MFSD11: variants seen among roughly 807,000 people sequenced by gnomAD.
The protein encoded by MFSD11 is major facilitator superfamily domain containing 11.
MFSD11 carries 36 observed loss-of-function variants against 53.5 expected under a neutral mutation model. The observed-to-expected ratio is 0.67, with a 90% CI of 0.52 to 0.89. MFSD11 has a LOEUF of 0.89. Ranked by LOEUF, MFSD11 falls within the 40% of genes least tolerant of loss-of-function variation. The pLI, the probability that MFSD11 is intolerant of heterozygous loss-of-function variation, is 0.00. For synonymous variants in MFSD11, 186 were observed against 184.9 expected (o/e 1.01, Z -0.05); for missense variants, 530 against 543.9 (o/e 0.97, Z 0.25).
At chr17:76,794,419 G>A in the MFSD11 span, among the ~76,000 whole-genome samples, 4 of 150,264 alleles carry the variant, frequency 2.7e-5, no homozygotes, top group Non-Finnish European at 4.4e-5. Flanking sequence ...GGAGGTTGCA[G>A]TGAGCCTAGA....
chr17:76,753,780 C>T (rs986132723), intron 7 of MFSD11, among the ~76,000 whole-genome samples: 5 of 151,624 alleles, frequency 3.3e-5, no homozygotes, highest in Admixed American at 6.6e-5. Context: ...CTGAGAAAGA[C>T]GTGCATAAAC....
At chr17:76,758,362 T>A (rs2079854404) in intron 8 of MFSD11, among the ~76,000 whole-genome samples, 1 of 151,998 alleles carries the variant, frequency 6.6e-6, no homozygotes, top group Non-Finnish European at 1.5e-5. Flanking sequence ...ATGGGGGGAT[T>A]GCTTGAGCCC....
intron 7 of MFSD11, among the ~76,000 whole-genome samples, chr17:76,752,319 C>A (rs1399916938): frequency 6.6e-6 from 1 of 151,810 alleles, no homozygotes; most frequent in Non-Finnish European, 1.5e-5. Context: ...AAGAAAAATA[C>A]GTTTTAAGCT....
chr17:76,759,048 C>A (rs1225115541), intron 8 of MFSD11, among the ~76,000 whole-genome samples: 1 of 151,918 alleles, frequency 6.6e-6, no homozygotes, highest in African/African-American at 2.4e-5. Flanking sequence ...GAGTTCGAGA[C>A]CAGCCTAAGC....
chr17:76,794,311 C>A, the MFSD11 span, among the ~76,000 whole-genome samples: 1 of 150,734 alleles, frequency 6.6e-6, no homozygotes, highest in Non-Finnish European at 1.5e-5. Context: ...TGGTGAAACC[C>A]CGTCTCTACT....
chr17:76,765,276 C>G (rs1598700571), intron 8 of MFSD11, among the ~76,000 whole-genome samples: 1 of 151,888 alleles, frequency 6.6e-6, no homozygotes, highest in Non-Finnish European at 1.5e-5. Flanking sequence ...TTTTGTCACT[C>G]TTGTCAAAAA....
chr17:76,765,955 A>T (rs1463558957), intron 8 of MFSD11, among the ~76,000 whole-genome samples: 1 of 151,356 alleles, frequency 6.6e-6, no homozygotes, highest in Non-Finnish European at 1.5e-5. Context: ...GCCTACACTG[A>T]CATGTCGTTA....
chr17:76,794,420 T>A, the MFSD11 span, among the ~76,000 whole-genome samples: 213 of 148,536 alleles, frequency 1.4e-3, 14 homozygotes, highest in African/African-American at 5.0e-3. Context: ...GAGGTTGCAG[T>A]GAGCCTAGAT....
chr17:76,785,462 G>T (rs1443168561), downstream of MFSD11, among the ~76,000 whole-genome samples: 1 of 151,488 alleles, frequency 6.6e-6, no homozygotes, highest in African/African-American at 2.4e-5. Flanking sequence ...TCAGCCTTCC[G>T]AGTAGCTTGG....
chr17:76,792,288 T>C, the MFSD11 span, among the ~76,000 whole-genome samples: 2 of 151,100 alleles, frequency 1.3e-5, no homozygotes, highest in African/African-American at 4.9e-5. Context: ...CCAGCTAATT[T>C]TTGTATTTTT....
intron 7 of MFSD11, among the ~76,000 whole-genome samples, chr17:76,746,873 A>G (rs1039544088): frequency 1.3e-5 from 2 of 152,062 alleles, no homozygotes; most frequent in South Asian, 4.1e-4. Flanking sequence ...GCCTTCTAAC[A>G]ACATGTGTTC....
chr17:76,746,950 C>T (rs1005147572), intron 7 of MFSD11, among the ~76,000 whole-genome samples: 1 of 151,864 alleles, frequency 6.6e-6, no homozygotes, highest in Non-Finnish European at 1.5e-5. Flanking sequence ...GCTCTGTCAC[C>T]CAGGCTGGAG....
At chr17:76,738,503 A>T (rs1291166006) in intron 1 of MFSD11, 55 bp downstream of exon 1, 1 of 1,253,818 alleles carries the variant, frequency 8.0e-7, no homozygotes, top group East Asian at 2.4e-5. Context: ...TGCAGTCCAG[A>T]AATGAAAATA....
chr17:76,776,307 C>A lies in MFSD11; in HGVS notation c.1050-99C>A, dbSNP rs2144917916. 2 of 1,309,040 alleles carry A rather than the reference C, an allele frequency of 1.5e-6. No individual in the cohort carries two copies. The highest frequency in any genetic ancestry group is 2.1e-6 in the Non-Finnish European group (2 of 948,424). The allele number at this position is 1,309,040 out of a possible 1,614,324, so 81.1% of individuals were successfully genotyped here. ...CTTTATTTTTGTTTCATAGTGTTTA[C>A]AACTTGCAGGTAGAATTCTTTTGTG... On this transcript the variant is annotated intron_variant, in intron 11 of 12. Coordinates refer to ENST00000685175, the MANE Select transcript of MFSD11 (RefSeq NM_001242532.5). The surrounding 1 kb of genome is among the most constrained non-coding windows in gnomAD (Gnocchi z 4.2).
In MFSD11 at chr17:76,769,857, T is replaced by C. The variant is rs2081233057; in HGVS notation, c.860T>C (p.Ile287Thr). Residue 287 changes from isoleucine (I) to threonine (T), a missense_variant, in exon 10 of 13, where the codon ATT (isoleucine) becomes ACT (threonine). Transcript: ENST00000685175. ...LIGLSGIFIG[I>T]GEILGGSLFG... ...GGACTTTCTGGCATTTTCATCGGCA[T>C]TGGAGAAATTTTAGGTTGGTTTTAA... The C allele has an allele frequency of 3.1e-6, 5 of 1,607,134 alleles. No homozygotes were observed. Among genetic ancestry groups the C allele is most frequent in the Middle Eastern group, 1.6e-4 (1 of 6,076 alleles).
chr17:76,751,769 T>C (rs186926764), intron 7 of MFSD11, among the ~76,000 whole-genome samples: 14 of 152,278 alleles, frequency 9.2e-5, no homozygotes, highest in Admixed American at 3.3e-4. Flanking sequence ...AACTTTCTTA[T>C]AATCTTATTA....
rs535169830 is a variant in MFSD11, at chr17:76,761,878, G to GC, written c.683-5506dup. On this transcript the variant is annotated intron_variant, in intron 8 of 12. Transcript: ENST00000685175. ...GGAGCTTGCAGTGAGCCGAGATCAC[G>GC]CCACTGCACTCCAGCCTGGGCGACA... Among the ~76,000 whole-genome samples the GC allele has an allele frequency of 7.9e-4, 118 of 149,770 alleles. No individual in the cohort carries two copies. The South Asian group carries it at 0.013, about 16-fold the overall frequency.
At chr17:76,801,395 AAAGAAAAAGG>A in the MFSD11 span, among the ~76,000 whole-genome samples, 12 of 151,474 alleles carry the variant, frequency 7.9e-5, no homozygotes, top group Admixed American at 5.9e-4. Flanking sequence ...AAGGAAAAGA[AAAGAAAAAGG>A]AAGAAAAAGA....
the MFSD11 span, among the ~76,000 whole-genome samples, chr17:76,787,991 T>A: frequency 4.1e-3 from 601 of 147,906 alleles, 37 homozygotes; most frequent in South Asian, 0.03. Context: ...AAATACATGG[T>A]TTTGCTTTTT....
Sources: allele counts gnomAD v4.1 joint callset (sites outside exome capture counted in the v4.1 genomes callset), GRCh38; gene constraint gnomAD v4.1.1; non-coding constraint Gnocchi (gnomAD v3.1); transcripts MANE v1.5; gene names NCBI Gene and HGNC (gene_info 2026-07-23, HGNC 2026-07-21).